The following GRID2 variants were observed in gnomAD, a reference collection of about 807,000 sequenced individuals.
GRID2 encodes glutamate ionotropic receptor delta type subunit 2.
GRID2 carries 33 observed loss-of-function variants against 114.8 expected under a neutral mutation model. That is an observed-to-expected ratio of 0.29 (90% confidence interval 0.22 to 0.38). The LOEUF is 0.38. GRID2 is among the 10% of genes least tolerant of loss of function. The pLI is 1.00. For synonymous variants in GRID2, 505 were observed against 449.9 expected (o/e 1.12, Z -1.55); for missense variants, 1,184 against 1,257.7 (o/e 0.94, Z 0.89).
At chr4:92,594,655 C>G (rs1728863824) in intron 2 of GRID2, among the ~76,000 whole-genome samples, 1 of 151,938 alleles carries the variant, frequency 6.6e-6, no homozygotes, top group Non-Finnish European at 1.5e-5. Flanking sequence ...TACTCATTAC[C>G]ACCAATAGAA....
chr4:92,633,142 C>T (rs746778893), intron 2 of GRID2, among the ~76,000 whole-genome samples: 1 of 152,110 alleles, frequency 6.6e-6, no homozygotes, highest in Non-Finnish European at 1.5e-5. Context: ...CTTTCTGGTG[C>T]ATGACACACA....
Position 93,321,894 on chromosome 4 carries a change from A to C in GRID2, c.1246-73713A>C, listed in dbSNP as rs143610854. ...TTCCAATTAAAGCGTTGTTACTTATAATTTCTATTCAGTGATTTATTTTAA... is the reference window on the plus strand; with the variant it reads ...TTCCAATTAAAGCGTTGTTACTTATCATTTCTATTCAGTGATTTATTTTAA... On this transcript the variant is annotated intron_variant, in intron 8 of 15. Coordinates refer to ENST00000282020, the MANE Select transcript of GRID2 (RefSeq NM_001510.4). Among the ~76,000 whole-genome samples the C allele has an allele frequency of 4.3e-4, 66 of 151,952 alleles. No individual in the cohort carries two copies. The East Asian group carries it at 4.8e-3, about 11-fold the overall frequency.
intron 2 of GRID2, among the ~76,000 whole-genome samples, chr4:92,609,884 G>C (rs548829651): frequency 6.6e-6 from 1 of 151,754 alleles, no homozygotes; most frequent in African/African-American, 2.4e-5. Flanking sequence ...CTTGAAAAGA[G>C]AGCCAGTGTA....
At chr4:93,306,846 A>G (rs1252916767) in intron 8 of GRID2, among the ~76,000 whole-genome samples, 1 of 152,210 alleles carries the variant, frequency 6.6e-6, no homozygotes. Context: ...TGGTAACTAT[A>G]ATAAAGGTTT....
intron 2 of GRID2, among the ~76,000 whole-genome samples, chr4:92,624,084 A>G (rs890598009): frequency 6.6e-6 from 1 of 151,848 alleles, no homozygotes; most frequent in East Asian, 1.9e-4. Flanking sequence ...CACAGCAGCA[A>G]CATCATCACA....
At chr4:92,395,584 C>G (rs1168359460) in intron 1 of GRID2, among the ~76,000 whole-genome samples, 1 of 151,696 alleles carries the variant, frequency 6.6e-6, no homozygotes, top group Admixed American at 6.6e-5. Flanking sequence ...TCATTCTGGT[C>G]TATAACGAGC....
At chr4:93,777,195 G>A (rs917834176), downstream of GRID2, among the ~76,000 whole-genome samples, 1 of 152,182 alleles carries the variant, frequency 6.6e-6, no homozygotes, top group Non-Finnish European at 1.5e-5. Context: ...CTGCACAGAG[G>A]CATGGAACAG....
intron 13 of GRID2, among the ~76,000 whole-genome samples, chr4:93,531,305 C>A (rs1439110017): frequency 6.6e-6 from 1 of 152,146 alleles, no homozygotes; most frequent in Admixed American, 6.6e-5. Flanking sequence ...CCCCAGGCAC[C>A]AATATGGCTC....
intron 1 of GRID2, among the ~76,000 whole-genome samples, chr4:92,352,240 A>G (rs1728104366): frequency 6.6e-6 from 1 of 151,816 alleles, no homozygotes; most frequent in Non-Finnish European, 1.5e-5. Flanking sequence ...TACTCTTATG[A>G]TTAGTGGTGA....
chr4:93,684,380 A>C (rs897638858), intron 14 of GRID2, among the ~76,000 whole-genome samples: 1 of 152,170 alleles, frequency 6.6e-6, no homozygotes, highest in African/African-American at 2.4e-5. Context: ...TGCTTAATTG[A>C]CATAATATAT....
At chr4:92,367,919 G>C (rs1412721562) in intron 1 of GRID2, among the ~76,000 whole-genome samples, 1 of 149,840 alleles carries the variant, frequency 6.7e-6, no homozygotes, top group African/African-American at 2.5e-5. Flanking sequence ...GAAAATTGTA[G>C]CACCCTGGAC....
chr4:93,540,673 G>C (rs1017425124), intron 13 of GRID2, among the ~76,000 whole-genome samples: 7 of 152,162 alleles, frequency 4.6e-5, no homozygotes, highest in African/African-American at 1.7e-4. Context: ...TTAGGCTGAG[G>C]CTTAGACCAA....
chr4:93,311,481 A>C (rs1756005364), intron 8 of GRID2, among the ~76,000 whole-genome samples: 1 of 152,152 alleles, frequency 6.6e-6, no homozygotes, highest in Admixed American at 6.6e-5. Context: ...CTTTAAGATT[A>C]GCCTTTGGAA....
At chr4:93,569,723 C>G (rs552361861) in intron 13 of GRID2, among the ~76,000 whole-genome samples, 2 of 152,092 alleles carry the variant, frequency 1.3e-5, no homozygotes, top group African/African-American at 4.8e-5. Flanking sequence ...TTCCTTCAGC[C>G]GCACTGGTCT....
At chr4:93,011,929 G>A (rs1722215133) in intron 2 of GRID2, among the ~76,000 whole-genome samples, 1 of 151,836 alleles carries the variant, frequency 6.6e-6, no homozygotes, top group Non-Finnish European at 1.5e-5. Flanking sequence ...ACAATGATAT[G>A]TACTATAGAA....
rs934139338 is a variant in GRID2, at chr4:93,773,340, T to C, written c.*842T>C. On this transcript the variant is annotated 3_prime_UTR_variant, in exon 16 of 16. Transcript: ENST00000282020. ...ACAAAAGTATTGTATACAGGAACTA[T>C]GTATAGTGCAGGGGTTCTTTTCAGT... is the stretch of plus-strand genomic sequence containing the variant. The C allele has an allele frequency of 1.3e-5, 2 of 152,154 alleles. No homozygotes were observed. The highest frequency in any genetic ancestry group is 2.4e-5 in the African/African-American group (1 of 41,446). The allele number at this position is 152,154 out of a possible 1,614,324, so 9.4% of individuals were successfully genotyped here. A position where few individuals can be genotyped will look rare whatever the true frequency, so the allele number is the denominator to read the frequency against.
chr4:92,508,899 G>A (rs990208263), intron 1 of GRID2, among the ~76,000 whole-genome samples: 3 of 151,834 alleles, frequency 2.0e-5, no homozygotes, highest in Non-Finnish European at 4.4e-5. Flanking sequence ...TTGCTGTAGA[G>A]GTGTTGAGCA....
chr4:93,233,509 A>C (rs545703902), intron 7 of GRID2, among the ~76,000 whole-genome samples: 1 of 151,450 alleles, frequency 6.6e-6, no homozygotes. Context: ...CACCTGGCTA[A>C]TTTTTGTATT....
intron 11 of GRID2, among the ~76,000 whole-genome samples, chr4:93,462,722 T>C (rs567124374): frequency 6.6e-6 from 1 of 152,260 alleles, no homozygotes; most frequent in South Asian, 2.1e-4. Flanking sequence ...AAGACATCAA[T>C]TTTAATAGTG....
Sources: allele counts gnomAD v4.1 joint callset (sites outside exome capture counted in the v4.1 genomes callset), GRCh38; gene constraint gnomAD v4.1.1; transcripts MANE v1.5; gene names NCBI Gene and HGNC (gene_info 2026-07-23, HGNC 2026-07-21).